Variants in INPP4A observed in about 807,000 individuals in gnomAD.
INPP4A encodes the protein inositol polyphosphate-4-phosphatase type I A.
In INPP4A, 33 loss-of-function variants were observed where a neutral mutation model predicts 119.8. The ratio of observed to expected loss-of-function variants is 0.28; its 90% confidence interval spans 0.21 to 0.37. The LOEUF (loss-of-function observed/expected upper bound fraction) is 0.37, where lower values mean the gene tolerates loss of function less well. INPP4A is among the 10% of genes least tolerant of loss of function. The probability of loss-of-function intolerance (pLI) is 1.00; values close to 1 mark genes in which losing one functional copy is unlikely to be tolerated. For synonymous variants in INPP4A, 496 were observed against 500.7 expected (o/e 0.99, Z 0.12); for missense variants, 956 against 1,289.9 (o/e 0.74, Z 3.97).
chr2:98,519,483 G>A (rs1187987930), intron 2 of INPP4A: 1 of 152,856 alleles, frequency 6.5e-6, no homozygotes, highest in African/African-American at 2.4e-5. Flanking sequence ...CAGCAGGTTA[G>A]AGTTGTGAGC....
At chr2:98,536,622 A>G (rs1690325071) in intron 7 of INPP4A, among the ~76,000 whole-genome samples, 1 of 152,204 alleles carries the variant, frequency 6.6e-6, no homozygotes, top group African/African-American at 2.4e-5. Context: ...AGTGAATGAA[A>G]GGGAAACGCC....
In INPP4A at chr2:98,554,193, C is replaced by G; in HGVS notation, c.1348-78C>G. On this transcript the variant is annotated intron_variant, in intron 14 of 24. Coordinates refer to ENST00000409851, the MANE Select transcript of INPP4A (RefSeq NM_001134225.2). This position sits in a 1 kb window ranked among gnomAD's most constrained non-coding sequence, Gnocchi z 4.7. ...TGCAGTGCTGGGCTTTAAGCCCATT[C>G]TCCATTTCTGAGATAAGGCAGGGGC... The G allele has an allele frequency of 8.8e-7, 1 of 1,132,614 alleles. No individual in the cohort carries two copies. The highest frequency in any genetic ancestry group is 1.3e-6 in the Non-Finnish European group (1 of 789,326). The allele number at this position is 1,132,614 out of a possible 1,614,324, so 70.2% of individuals were successfully genotyped here. A position where few individuals can be genotyped will look rare whatever the true frequency, so the allele number is the denominator to read the frequency against.
intron 1 of INPP4A, among the ~76,000 whole-genome samples, chr2:98,502,973 C>T (rs930454711): frequency 6.6e-5 from 10 of 152,192 alleles, no homozygotes; most frequent in African/African-American, 2.4e-4. Context: ...TTTGGACGGA[C>T]TAGGTTTAGT....
Position 98,554,585 on chromosome 2 carries a change from G to A in INPP4A, c.1566+96G>A. On this transcript the variant is annotated intron_variant, in intron 15 of 24. Transcript: ENST00000409851. This position sits in a 1 kb window ranked among gnomAD's most constrained non-coding sequence, Gnocchi z 4.7. The stretch of plus-strand genomic sequence containing the variant: ...CTCTGCCCCTCTGAAGTGCCTCAAG[G>A]TTCAACTGCTGTGAACAAGCTCCAG... 1 of 1,069,572 alleles carries A rather than the reference G, an allele frequency of 9.3e-7. No homozygotes were observed. The highest frequency in any genetic ancestry group is 2.1e-5 in the Admixed American group (1 of 46,928). The allele number at this position is 1,069,572 out of a possible 1,614,324, so 66.3% of individuals were successfully genotyped here.
chr2:98,566,404 G>A lies in INPP4A; in HGVS notation c.2420+235G>A, dbSNP rs1696455095. On this transcript the variant is annotated intron_variant, in intron 21 of 24. Coordinates refer to ENST00000409851, the MANE Select transcript of INPP4A (RefSeq NM_001134225.2). This position sits in a 1 kb window ranked among gnomAD's most constrained non-coding sequence, Gnocchi z 4.2. ...CAGCTGGTGGGAGAGAGAGAGACAT[G>A]GATGCAATGATGAAGACAGATACAG... Among the ~76,000 whole-genome samples the A allele has an allele frequency of 6.6e-6, 1 of 152,146 alleles. No individual in the cohort carries two copies. Among genetic ancestry groups the A allele is most frequent in the South Asian group, 2.1e-4 (1 of 4,822 alleles).
At chr2:98,581,789 AAAAC>A (rs778176689) in intron 24 of INPP4A, 29 of 1,593,436 alleles carry the variant, frequency 1.8e-5, no homozygotes, top group East Asian at 9.0e-5. Flanking sequence ...AGTCACAAGA[AAAAC>A]AAAAGTGCCA....
At chr2:98,457,919 G>C (rs1045654041) in intron 1 of INPP4A, among the ~76,000 whole-genome samples, 1 of 151,680 alleles carries the variant, frequency 6.6e-6, no homozygotes, top group African/African-American at 2.4e-5. Context: ...TCCCACCTCA[G>C]CCTCCCAATT....
rs749233390 is a variant in INPP4A, at chr2:98,539,524, T to C, written c.671-4T>C. On this transcript the variant is annotated splice_region_variant and splice_polypyrimidine_tract_variant and intron_variant, in intron 9 of 24. Coordinates refer to ENST00000409851, the MANE Select transcript of INPP4A (RefSeq NM_001134225.2). ...AGCCTGTCTCCCTTGTCATCCCACC[T>C]CAGTGTTCGGTGGTGCCATCTGCCG... 1.9e-6 allele frequency: 3 copies of C among 1,603,128 alleles called. No homozygotes were observed. The highest frequency in any genetic ancestry group is 2.6e-6 in the Non-Finnish European group (3 of 1,172,810).
intron 4 of INPP4A, among the ~76,000 whole-genome samples, chr2:98,522,676 C>T (rs1687441043): frequency 6.6e-6 from 1 of 151,544 alleles, no homozygotes; most frequent in Non-Finnish European, 1.5e-5. Flanking sequence ...TACCAAGGCC[C>T]AGCACAATGC....
chr2:98,527,922 T>C (rs1688469657), intron 4 of INPP4A, among the ~76,000 whole-genome samples: 1 of 152,160 alleles, frequency 6.6e-6, no homozygotes, highest in African/African-American at 2.4e-5. Flanking sequence ...GGAGAGAATC[T>C]AATTCCAGAG....
chr2:98,574,244 G>A (rs572256117), intron 23 of INPP4A, among the ~76,000 whole-genome samples: 1 of 152,098 alleles, frequency 6.6e-6, no homozygotes, highest in African/African-American at 2.4e-5. Context: ...ATTTTTCCTG[G>A]GGGGTTGCTA....
chr2:98,558,180 TG>T (rs1278142334), intron 16 of INPP4A, among the ~76,000 whole-genome samples: 1 of 152,156 alleles, frequency 6.6e-6, no homozygotes, highest in Non-Finnish European at 1.5e-5. Flanking sequence ...TTTAGCAAAT[TG>T]GGTTTAATCC....
At chr2:98,475,040 G>A (rs1357997196) in intron 1 of INPP4A, among the ~76,000 whole-genome samples, 1 of 152,052 alleles carries the variant, frequency 6.6e-6, no homozygotes. Context: ...AATAAGCAGA[G>A]GGTATTTATT....
intron 1 of INPP4A, among the ~76,000 whole-genome samples, chr2:98,445,956 CCT>C (rs1480149655): frequency 1.3e-5 from 2 of 152,226 alleles, no homozygotes; most frequent in Non-Finnish European, 2.9e-5. Context: ...GTCGCCTGCC[CCT>C]CAGGGCATTT....
At chr2:98,555,171 TCTGTTCCCTTCTATCAAAAGGAGGCCTC>T (rs1481858231) in intron 15 of INPP4A, among the ~76,000 whole-genome samples, 1 of 152,166 alleles carries the variant, frequency 6.6e-6, no homozygotes. Flanking sequence ...TATCGAAATT[TCTGTTCCCTTCTATCAAAAGGAGGCCTC>T]CATTTTGTCT....
At position 98,538,114 on chromosome 2, in the gene INPP4A, G is replaced by A. The variant is rs535982699; in HGVS notation, c.579+140G>A. 30 of 615,536 alleles carry A rather than the reference G, an allele frequency of 4.9e-5. No homozygotes were observed. In the South Asian group the frequency reaches 5.4e-4, roughly 11 times the overall value. The allele number at this position is 615,536 out of a possible 1,614,324, so 38.1% of individuals were successfully genotyped here. A position where few individuals can be genotyped will look rare whatever the true frequency, so the allele number is the denominator to read the frequency against. On this transcript the variant is annotated intron_variant, in intron 8 of 24. Coordinates refer to ENST00000409851, the MANE Select transcript of INPP4A (RefSeq NM_001134225.2). ...TGATGCTGCTCCCCACGGACACTCC[G>A]GTCCTCCTTAGGCACACCTTGAAGC... is the stretch of plus-strand genomic sequence containing the variant.
At chr2:98,505,813 C>T (rs1683936221) in intron 1 of INPP4A, among the ~76,000 whole-genome samples, 1 of 152,168 alleles carries the variant, frequency 6.6e-6, no homozygotes. Flanking sequence ...TTATAGAATC[C>T]CTGTCTCCAC....
At chr2:98,539,419 T>C in intron 9 of INPP4A, 109 bp from the exon 10 acceptor site, 1 of 1,190,458 alleles carries the variant, frequency 8.4e-7, no homozygotes. Flanking sequence ...AGATGAACAG[T>C]GAGAGGACTT....
rs1694111502 is a variant in INPP4A, at chr2:98,554,476, A to G, written c.1553A>G (p.His518Arg). The change falls in exon 15 of 25, where the codon CAC (histidine) becomes CGC (arginine). Residue 518 changes from histidine to arginine, a missense_variant. By Grantham distance (29) the His-to-Arg change is conservative. Transcript: ENST00000409851. This position sits in a 1 kb window ranked among gnomAD's most constrained non-coding sequence, Gnocchi z 4.7. ...NSRSSLQVDW[H>R]EEEWEKVWLN... ...CGATCTTCCCTGCAGGTGGACTGGC[A>G]CGAGGAGGAGTGGGTGAGTCTGCTG... 1 of 1,613,408 alleles carries G rather than the reference A, an allele frequency of 6.2e-7. No homozygotes were observed. Among genetic ancestry groups the G allele is most frequent in the Non-Finnish European group, 8.5e-7 (1 of 1,179,782 alleles).
Sources: allele counts gnomAD v4.1 joint callset (sites outside exome capture counted in the v4.1 genomes callset), GRCh38; gene constraint gnomAD v4.1.1; non-coding constraint Gnocchi (gnomAD v3.1); transcripts MANE v1.5; gene names NCBI Gene and HGNC (gene_info 2026-07-23, HGNC 2026-07-21).